Variants in SIGLEC15 observed in about 807,000 individuals in gnomAD.
The protein encoded by SIGLEC15 is sialic acid binding Ig like lectin 15.
Under a neutral mutation model 26.2 loss-of-function variants are expected in SIGLEC15, and 31 were observed. The observed-to-expected ratio is 1.18, with a 90% CI of 0.89 to 1.60. The LOEUF is 1.60. Among genes scored for constraint, SIGLEC15 ranks in the 40% most tolerant of loss-of-function variants. The pLI, the probability that SIGLEC15 is intolerant of heterozygous loss-of-function variation, is 0.00. For missense variants in SIGLEC15, 501 were observed against 488.4 expected, an observed-to-expected ratio of 1.03 and a Z score of -0.24; for synonymous variants, 207 against 221.9, an observed-to-expected ratio of 0.93 and a Z score of 0.60.
chr18:45,843,169 G>A lies in SIGLEC15; in HGVS notation c.*982G>A, dbSNP rs1299919130. On this transcript the variant is annotated 3_prime_UTR_variant, in exon 6 of 6. Transcript: ENST00000389474. ...TCTGGCCGGAGAGTCCGTGCGTAAA[G>A]CAGCTACAGCTCTGACCTCTCTGAC... The A allele has an allele frequency of 6.6e-6, 1 of 152,294 alleles. No homozygotes were observed. Among genetic ancestry groups the A allele is most frequent in the Non-Finnish European group, 1.5e-5 (1 of 68,068 alleles). 9.4% of individuals were successfully genotyped at this position (152,294 alleles called of 1,614,324 possible).
intron 5 of SIGLEC15, 130 bp from the exon 6 acceptor site, chr18:45,841,976 A>T: frequency 1.2e-6 from 1 of 842,026 alleles, no homozygotes. Flanking sequence ...TTCATCTCTG[A>T]GCCCTGCCGG....
intron 2 of SIGLEC15, 40 bp downstream of exon 2, chr18:45,837,128 G>A: frequency 6.2e-7 from 1 of 1,610,560 alleles, no homozygotes; most frequent in Non-Finnish European, 8.5e-7. Context: ...GGGGATCTTG[G>A]GAGTCTGTTT....
At chr18:45,826,478 G>C (rs78281549) in intron 1 of SIGLEC15, among the ~76,000 whole-genome samples, 1 of 152,146 alleles carries the variant, frequency 6.6e-6, no homozygotes, top group African/African-American at 2.4e-5. Context: ...GTATCAGGCA[G>C]CAAGTCCTAG....
chr18:45,840,041 A>T (rs943909510), intron 4 of SIGLEC15, among the ~76,000 whole-genome samples, 170 bp from the exon 5 acceptor site: 25 of 151,028 alleles, frequency 1.7e-4, no homozygotes, highest in Admixed American at 3.3e-4. Flanking sequence ...CTCCTCACTA[A>T]CTCCCCAGCA....
chr18:45,833,292 G>A (rs1452855496), intron 1 of SIGLEC15, among the ~76,000 whole-genome samples: 1 of 152,064 alleles, frequency 6.6e-6, no homozygotes, highest in Non-Finnish European at 1.5e-5. Context: ...TGATGGGGTT[G>A]TTGTGCATTT....
chr18:45,834,051 T>C (rs1244139421), intron 1 of SIGLEC15, among the ~76,000 whole-genome samples: 2 of 152,204 alleles, frequency 1.3e-5, no homozygotes, highest in African/African-American at 4.8e-5. Flanking sequence ...TGCTGATTGA[T>C]GTCCACGCCT....
chr18:45,839,034 C>G lies in SIGLEC15; in HGVS notation c.813C>G (p.Leu271=). ...CGGTCGCCCTCCTGCTCGGCGCTCTCGGCTTCAAGGCGCTGCTGCTGCTCG... is the reference window on the plus strand; with the variant it reads ...CGGTCGCCCTCCTGCTCGGCGCTCTGGGCTTCAAGGCGCTGCTGCTGCTCG... ...ASTVALLLGA[L]GFKALLLLGV... Residue 271 remains leucine, a synonymous_variant, in exon 4 of 6, where the codon CTC becomes CTG. Coordinates refer to ENST00000389474, the MANE Select transcript of SIGLEC15 (RefSeq NM_213602.3). The G allele has an allele frequency of 1.3e-6, 2 of 1,568,100 alleles. No individual in the cohort carries two copies. Among genetic ancestry groups the G allele is most frequent in the Non-Finnish European group, 1.7e-6 (2 of 1,165,964 alleles).
Position 45,843,281 on chromosome 18 carries a change from T to C in SIGLEC15, c.*1094T>C, listed in dbSNP as rs1452798769. ...ACGCGGGCAGGCTGACTTGGAGGGG[T>C]GCTTCCCTATTTACACCTCAGGGTG... is the stretch of plus-strand genomic sequence containing the variant. On this transcript the variant is annotated 3_prime_UTR_variant, in exon 6 of 6. Transcript: ENST00000389474. 6.6e-6 allele frequency: 1 copy of C among 152,160 alleles called. No homozygotes were observed. The highest frequency in any genetic ancestry group is 2.4e-5 in the African/African-American group (1 of 41,416). The allele number at this position is 152,160 out of a possible 1,614,324, so 9.4% of individuals were successfully genotyped here.
chr18:45,826,910 G>C (rs1391761962), intron 1 of SIGLEC15, among the ~76,000 whole-genome samples: 2 of 152,028 alleles, frequency 1.3e-5, no homozygotes, highest in Non-Finnish European at 2.9e-5. Flanking sequence ...AAGGAACTCT[G>C]TTTGTTTGTT....
rs2048334383 is a variant in SIGLEC15, at chr18:45,842,519, TA to T, written c.*333del. 5 of 280,042 alleles carry T rather than the reference TA, an allele frequency of 1.8e-5. No individual in the cohort carries two copies. The South Asian group carries it at 3.1e-4, about 17-fold the overall frequency. The allele number at this position is 280,042 out of a possible 1,614,324, so 17.3% of individuals were successfully genotyped here. A position where few individuals can be genotyped will look rare whatever the true frequency, so the allele number is the denominator to read the frequency against. On this transcript the variant is annotated 3_prime_UTR_variant, in exon 6 of 6. Transcript: ENST00000389474. The stretch of plus-strand genomic sequence containing the variant: ...AAATGTTCCCTTGCCCTTTCTTACC[TA>T]GAACACCTGCTATAGTAAAGCAGAC...
chr18:45,836,434 T>C (rs1334753794), intron 1 of SIGLEC15, among the ~76,000 whole-genome samples: 4 of 151,998 alleles, frequency 2.6e-5, no homozygotes, highest in Admixed American at 6.6e-5. Context: ...CTTAGAAGCC[T>C]GCCCTTTCTC....
chr18:45,834,919 C>G, intron 1 of SIGLEC15, among the ~76,000 whole-genome samples: 1 of 152,210 alleles, frequency 6.6e-6, no homozygotes, highest in Non-Finnish European at 1.5e-5. Flanking sequence ...GAGATGCTTT[C>G]TGCATCTAGA....
rs560632919 is a variant in SIGLEC15 at position 45,825,879 on chromosome 18, C to T, written c.52+99C>T. On this transcript the variant is annotated intron_variant, in intron 1 of 5. Coordinates refer to ENST00000389474, the MANE Select transcript of SIGLEC15 (RefSeq NM_213602.3). ...CCCTGGAAGGCAGGAAGCAGGTGTG[C>T]AGAGCCTCCAGGCCTGTGGAGGAGG... 2.7e-5 allele frequency: 39 copies of T among 1,418,554 alleles called. No individual in the cohort carries two copies. In the South Asian group the frequency reaches 4.0e-4, roughly 15 times the overall value. 87.9% of individuals were successfully genotyped at this position (1,418,554 alleles called of 1,614,324 possible). A position where few individuals can be genotyped will look rare whatever the true frequency, so the allele number is the denominator to read the frequency against.
Position 45,825,698 on chromosome 18 carries a change from G to A in SIGLEC15, c.-31G>A. 1 of 1,612,646 alleles carries A rather than the reference G, an allele frequency of 6.2e-7. No homozygotes were observed. The highest frequency in any genetic ancestry group is 2.2e-5 in the East Asian group (1 of 44,830). ...TCACTGGGGAGGTGGCCGAGAGCGG[G>A]TCTGGCCTGGGGTGTTCAGATGCTC... On this transcript the variant is annotated 5_prime_UTR_variant, in exon 1 of 6. Transcript: ENST00000389474.
rs531307586 is a variant in SIGLEC15 at position 45,838,877 on chromosome 18, G to C, written c.656G>C (p.Gly219Ala). 4.7e-5 allele frequency: 75 copies of C among 1,590,350 alleles called. 1 individual carries two copies. The East Asian group carries it at 1.6e-3, about 34-fold the overall frequency. ...GTGCGGAGCCCGCGTGAGGGTCACGGCCACCTAGTGACCGCCGAACTGCCC... is the reference window on the plus strand; with the variant it reads ...GTGCGGAGCCCGCGTGAGGGTCACGCCCACCTAGTGACCGCCGAACTGCCC... ...AAVRSPREGHGHLVTAELPAL... is the reference protein window; with the variant it reads ...AAVRSPREGHAHLVTAELPAL... Residue 219 changes from glycine to alanine, a missense_variant, in exon 4 of 6, where the codon GGC becomes GCC. By Grantham distance (60) the Gly-to-Ala change is moderately conservative. Coordinates refer to ENST00000389474, the MANE Select transcript of SIGLEC15 (RefSeq NM_213602.3).
chr18:45,830,094 T>A (rs997584368), intron 1 of SIGLEC15, among the ~76,000 whole-genome samples: 1 of 152,136 alleles, frequency 6.6e-6, no homozygotes, highest in South Asian at 2.1e-4. Context: ...CTCAGCTTTC[T>A]CTCTAGTTAA....
At chr18:45,826,140 G>A (rs531525185) in intron 1 of SIGLEC15, among the ~76,000 whole-genome samples, 8 of 152,226 alleles carry the variant, frequency 5.3e-5, no homozygotes, top group African/African-American at 1.4e-4. Flanking sequence ...CCCAAGTGCC[G>A]TGTGTTTTGA....
chr18:45,837,026 T>C lies in SIGLEC15; in HGVS notation c.53-3T>C. ...ACCCGGGGTTAACTGTGTTTATCTG[T>C]AGGCTCATTTGTGAGAACTAAAATA... On this transcript the variant is annotated splice_polypyrimidine_tract_variant and splice_region_variant and intron_variant, in intron 1 of 5. Coordinates refer to ENST00000389474, the MANE Select transcript of SIGLEC15 (RefSeq NM_213602.3). 1 of 1,385,738 alleles carries C rather than the reference T, an allele frequency of 7.2e-7. No individual in the cohort carries two copies. Among genetic ancestry groups the C allele is most frequent in the Non-Finnish European group, 1.0e-6 (1 of 972,190 alleles). The allele number at this position is 1,385,738 out of a possible 1,614,324, so 85.8% of individuals were successfully genotyped here.
At chr18:45,825,866 G>A (rs916672845) in intron 1 of SIGLEC15, 86 bp downstream of exon 1, 2 of 1,534,832 alleles carry the variant, frequency 1.3e-6, no homozygotes, top group African/African-American at 2.7e-5. Flanking sequence ...CTGGAAGGCA[G>A]GAAGCAGGTG....
Sources: gnomAD v4.1 joint callset for allele counts (sites outside exome capture counted in the v4.1 genomes callset) on GRCh38, gnomAD v4.1.1 for gene constraint, MANE v1.5 for transcripts, NCBI Gene and HGNC (gene_info 2026-07-23, HGNC 2026-07-21) for gene names.